SORCS1: variants seen among roughly 807,000 people sequenced by gnomAD.
The protein encoded by SORCS1 is VPS10 domain-containing receptor SorCS1.
Under a neutral mutation model 146.1 loss-of-function variants are expected in SORCS1, and 60 were observed. The ratio of observed to expected loss-of-function variants is 0.41; its 90% CI spans 0.33 to 0.51. The LOEUF (loss-of-function observed/expected upper bound fraction) is 0.51, where lower values mean the gene tolerates loss of function less well. Among genes scored for constraint, SORCS1 ranks in the 20% least tolerant of loss-of-function variants. The probability of loss-of-function intolerance (pLI) is 0.21; values close to 1 mark genes in which losing one functional copy is unlikely to be tolerated. For missense variants in SORCS1, 1,352 were observed against 1,487.6 expected (o/e 0.91, Z 1.50); for synonymous variants, 637 against 584.0 (o/e 1.09, Z -1.31).
intron 17 of SORCS1, among the ~76,000 whole-genome samples, chr10:106,658,999 GC>G (rs1850516298): frequency 6.6e-6 from 1 of 152,160 alleles, no homozygotes; most frequent in Non-Finnish European, 1.5e-5. Flanking sequence ...GACACAGGCA[GC>G]CCCAAAATGG....
At chr10:107,026,100 A>C (rs1958389346) in intron 1 of SORCS1, among the ~76,000 whole-genome samples, 1 of 152,194 alleles carries the variant, frequency 6.6e-6, no homozygotes, top group Admixed American at 6.5e-5. Flanking sequence ...ACAGGCATGG[A>C]GGTAAGGAAT....
chr10:107,042,888 G>A (rs912426911), intron 1 of SORCS1, among the ~76,000 whole-genome samples: 2 of 152,136 alleles, frequency 1.3e-5, no homozygotes, highest in Admixed American at 1.3e-4. Context: ...GGGATTACAG[G>A]CATGAGCCTT....
the SORCS1 span, among the ~76,000 whole-genome samples, chr10:107,176,135 G>A: frequency 3.3e-5 from 5 of 151,968 alleles, no homozygotes; most frequent in African/African-American, 1.2e-4. Context: ...TTACCACTTA[G>A]TTTAACTTTT....
At chr10:106,784,722 G>T (rs913696604) in intron 3 of SORCS1, among the ~76,000 whole-genome samples, 4 of 152,158 alleles carry the variant, frequency 2.6e-5, no homozygotes, top group African/African-American at 9.7e-5. Flanking sequence ...CTTTGCTCAT[G>T]GGAAACTTTA....
chr10:106,942,322 A>G (rs1000663030), intron 2 of SORCS1, among the ~76,000 whole-genome samples: 1 of 151,736 alleles, frequency 6.6e-6, no homozygotes, highest in Admixed American at 6.6e-5. Context: ...TTCTTTCTCT[A>G]TTTGGTCAAG....
intron 1 of SORCS1, among the ~76,000 whole-genome samples, chr10:107,071,302 C>T (rs1054137700): frequency 1.3e-5 from 2 of 152,156 alleles, no homozygotes; most frequent in Non-Finnish European, 2.9e-5. Flanking sequence ...ATCTATATCT[C>T]CTTTACTACC....
chr10:107,043,322 T>C (rs1959186129), intron 1 of SORCS1, among the ~76,000 whole-genome samples: 2 of 152,130 alleles, frequency 1.3e-5, no homozygotes, highest in Non-Finnish European at 2.9e-5. Context: ...GACTTTTCTG[T>C]CACGGGTTCT....
intron 17 of SORCS1, among the ~76,000 whole-genome samples, chr10:106,656,864 G>C (rs1850334521): frequency 6.6e-6 from 1 of 152,300 alleles, no homozygotes. Flanking sequence ...ATGGGGATCA[G>C]TTTGTTTTTG....
chr10:106,943,086 T>A (rs1954135334), intron 2 of SORCS1, among the ~76,000 whole-genome samples: 1 of 152,168 alleles, frequency 6.6e-6, no homozygotes, highest in African/African-American at 2.4e-5. Flanking sequence ...CAGACAGATG[T>A]ACCTTCTCAG....
At chr10:107,053,252 TACTTAA>T (rs1373030458) in intron 1 of SORCS1, among the ~76,000 whole-genome samples, 1 of 152,158 alleles carries the variant, frequency 6.6e-6, no homozygotes, top group African/African-American at 2.4e-5. Context: ...ATGTAACCCC[TACTTAA>T]ACTTTAAAAT....
At chr10:107,021,513 CAAAAAAAAAAAAAAAAA>C (rs869141427) in intron 1 of SORCS1, among the ~76,000 whole-genome samples, 2 of 68,594 alleles carry the variant, frequency 2.9e-5, no homozygotes, top group Non-Finnish European at 2.7e-5. Context: ...CACTCCGTCT[CAAAAAAAAAAAAAAAAA>C]AAAAAAAAAA....
At chr10:106,655,508 T>C (rs1850217070) in intron 17 of SORCS1, among the ~76,000 whole-genome samples, 1 of 152,114 alleles carries the variant, frequency 6.6e-6, no homozygotes, top group African/African-American at 2.4e-5. Flanking sequence ...CCATCACCAC[T>C]AGCATCATCA....
intron 24 of SORCS1, among the ~76,000 whole-genome samples, chr10:106,583,665 G>A (rs1010728305): frequency 1.5e-4 from 23 of 152,070 alleles, no homozygotes; most frequent in African/African-American, 5.5e-4. Context: ...CACCACGCAT[G>A]GCTAATTTTT....
intron 5 of SORCS1, among the ~76,000 whole-genome samples, chr10:106,734,811 CT>C (rs1486548281): frequency 1.3e-5 from 2 of 152,102 alleles, no homozygotes; most frequent in Non-Finnish European, 2.9e-5. Context: ...CTTTTTCCCC[CT>C]TTTTATTTCA....
intron 4 of SORCS1, among the ~76,000 whole-genome samples, chr10:106,776,174 A>G (rs1348534581): frequency 6.6e-6 from 1 of 152,216 alleles, no homozygotes; most frequent in Non-Finnish European, 1.5e-5. Context: ...GAGTTTGAGA[A>G]AAGCCATGGG....
chr10:106,805,045 T>C (rs1434797392), intron 3 of SORCS1, among the ~76,000 whole-genome samples: 1 of 152,168 alleles, frequency 6.6e-6, no homozygotes, highest in Admixed American at 6.5e-5. Flanking sequence ...CCAATTGTCA[T>C]AACCTTTTAA....
chr10:106,629,963 T>C (rs1274542869), intron 18 of SORCS1, among the ~76,000 whole-genome samples: 1 of 152,166 alleles, frequency 6.6e-6, no homozygotes, highest in Non-Finnish European at 1.5e-5. Context: ...GAGAATTGCT[T>C]GAATCTGGCA....
intron 24 of SORCS1, among the ~76,000 whole-genome samples, chr10:106,588,688 C>T (rs542063605): frequency 1.3e-5 from 2 of 151,500 alleles, no homozygotes; most frequent in South Asian, 2.1e-4. Context: ...GGTGAAACCC[C>T]ATCTCTACTA....
At chr10:107,179,240 C>A in the SORCS1 span, among the ~76,000 whole-genome samples, 1 of 152,036 alleles carries the variant, frequency 6.6e-6, no homozygotes, top group African/African-American at 2.4e-5. Flanking sequence ...TTTCATATAC[C>A]TGTTGGTATT....
Sources: allele counts gnomAD v4.1 joint callset (sites outside exome capture counted in the v4.1 genomes callset), GRCh38; gene constraint gnomAD v4.1.1; transcripts MANE v1.5; gene names NCBI Gene and HGNC (gene_info 2026-07-23, HGNC 2026-07-21).